The following SH3PXD2B variants were observed in gnomAD, a reference collection of about 807,000 sequenced individuals.
SH3PXD2B encodes SH3 and PX domain-containing protein 2B.
SH3PXD2B carries 37 observed loss-of-function variants against 73.1 expected under a neutral mutation model. The observed-to-expected ratio is 0.51, with a 90% CI of 0.39 to 0.67. SH3PXD2B has a LOEUF of 0.67. Ranked by LOEUF, SH3PXD2B falls within the 30% of genes least tolerant of loss-of-function variation. The pLI is 0.00. For missense variants in SH3PXD2B, 1,053 were observed against 1,197.8 expected (o/e 0.88, Z 1.78); for synonymous variants, 457 against 480.5 (o/e 0.95, Z 0.64).
At chr5:172,387,495 C>T (rs964717685) in intron 4 of SH3PXD2B, among the ~76,000 whole-genome samples, 1 of 152,192 alleles carries the variant, frequency 6.6e-6, no homozygotes, top group Non-Finnish European at 1.5e-5. Flanking sequence ...AGCCCAGTAC[C>T]GTACACCCTT....
Position 172,445,942 on chromosome 5 carries a change from C to T in SH3PXD2B, c.75+8336G>A, listed in dbSNP as rs1379923855. On this transcript the variant is annotated intron_variant, in intron 1 of 12. Coordinates refer to ENST00000311601, the MANE Select transcript of SH3PXD2B (RefSeq NM_001017995.3). This position sits in a 1 kb window ranked among gnomAD's most constrained non-coding sequence, Gnocchi z 5.2. Reference sequence around the variant, plus strand: ...TTGTGGCGGAGCTCAGGTCCGCAGGCTTCTGCAGAGGCAGAGTCCGGAGGA... The same window carrying T: ...TTGTGGCGGAGCTCAGGTCCGCAGGTTTCTGCAGAGGCAGAGTCCGGAGGA... 6.6e-6 allele frequency among the ~76,000 whole-genome samples: 1 copy of T among 152,252 alleles called. No individual in the cohort carries two copies. Among genetic ancestry groups the T allele is most frequent in the Non-Finnish European group, 1.5e-5 (1 of 68,034 alleles).
rs1561908520 is a variant in SH3PXD2B at position 172,368,652 on chromosome 5, A to AC, written c.427+5137_427+5138insG. On this transcript the variant is annotated intron_variant, in intron 6 of 12. Transcript: ENST00000311601. ...TATAATATATATGTTATATATATAAAATATATATATTATATATATATAAAA... is the reference window on the plus strand; with the variant it reads ...TATAATATATATGTTATATATATAAACATATATATATTATATATATATAAAA... Among the ~76,000 whole-genome samples the AC allele has an allele frequency of 7.7e-4, 9 of 11,656 alleles. 1 individual carries two copies. Among genetic ancestry groups the AC allele is most frequent in the African/African-American group, 5.7e-3 (9 of 1,592 alleles). The allele number at this position is 11,656 out of a possible 152,430, so 7.6% of individuals were successfully genotyped here.
intron 2 of SH3PXD2B, among the ~76,000 whole-genome samples, chr5:172,409,066 T>C (rs1000622370): frequency 5.3e-5 from 8 of 152,140 alleles, no homozygotes; most frequent in Admixed American, 6.5e-5. Context: ...TTGTTAACTA[T>C]AGTCATCCCA....
intron 3 of SH3PXD2B, among the ~76,000 whole-genome samples, chr5:172,397,700 CTT>C (rs904515369): frequency 6.6e-6 from 1 of 152,196 alleles, no homozygotes; most frequent in Non-Finnish European, 1.5e-5. Flanking sequence ...CCAACATGGT[CTT>C]TCTTTTTTCC....
At chr5:172,451,801 G>T (rs556892150) in intron 1 of SH3PXD2B, among the ~76,000 whole-genome samples, 36 of 152,286 alleles carry the variant, frequency 2.4e-4, no homozygotes, top group African/African-American at 8.4e-4. Flanking sequence ...GAACAGCAGC[G>T]GTCGCCCACC....
At chr5:172,450,758 C>T (rs1279733424) in intron 1 of SH3PXD2B, among the ~76,000 whole-genome samples, 1 of 152,062 alleles carries the variant, frequency 6.6e-6, no homozygotes, top group Non-Finnish European at 1.5e-5. Context: ...GCTCTTCTTC[C>T]TCCCCCCAAG....
chr5:172,399,257 C>T lies in SH3PXD2B; in HGVS notation c.233-4618G>A, dbSNP rs1561923019. On this transcript the variant is annotated intron_variant, in intron 3 of 12. Coordinates refer to ENST00000311601, the MANE Select transcript of SH3PXD2B (RefSeq NM_001017995.3). ...GGTCCCTCGATTAACCAAAGATCAG[C>T]CCATTCCTGAGGCCGTTACAGTGTT... Among the ~76,000 whole-genome samples the T allele has an allele frequency of 2.0e-5, 3 of 152,152 alleles. No homozygotes were observed. In the South Asian group the frequency reaches 6.2e-4, roughly 31 times the overall value.
rs1367341603 is a variant in SH3PXD2B at position 172,394,583 on chromosome 5, G to C, written c.289C>G (p.Pro97Ala). The change falls in exon 4 of 13, where the codon CCA (proline) becomes GCA (alanine). Residue 97 changes from proline to alanine, a missense_variant. Physicochemically the swap from Pro to Ala is conservative, Grantham distance 27 (BLOSUM62 -1). Around this residue, in one of 2 missense-constraint regions of SH3PXD2B, gnomAD observed 466 missense variants for 607.1 expected, o/e 0.77. Transcript: ENST00000311601. ...CTTACCTTACAGTATTCATCAATTG[G>C]TATCAGGCGTTTGACAGCCACGTCC... is the stretch of plus-strand genomic sequence containing the variant. ...IRDVAVKRLI[P>A]IDEYCKALIQ... The C allele has an allele frequency of 2.5e-6, 4 of 1,614,012 alleles. No individual in the cohort carries two copies. The Admixed American group carries it at 6.7e-5, about 27-fold the overall frequency.
chr5:172,355,694 G>A (rs892950724), intron 8 of SH3PXD2B, among the ~76,000 whole-genome samples: 35 of 152,008 alleles, frequency 2.3e-4, no homozygotes, highest in Admixed American at 1.4e-3. Flanking sequence ...ACAGGTGCCC[G>A]CCACCACGCC....
chr5:172,362,813 T>C lies in SH3PXD2B; in HGVS notation c.484A>G (p.Asn162Asp), dbSNP rs1757429606. ...TCCGAACTCTCCTGCTTCTGGTAGTTGGCTACCACCACATACTGCTCCAGG... is the reference window on the plus strand; with the variant it reads ...TCCGAACTCTCCTGCTTCTGGTAGTCGGCTACCACCACATACTGCTCCAGG... Reference protein sequence around the residue: ...MVLEQYVVVANYQKQESSEIS... With the variant: ...MVLEQYVVVADYQKQESSEIS... Residue 162 changes from asparagine (N) to aspartate (D), a missense_variant, in exon 7 of 13, where the codon AAC becomes GAC. By Grantham distance (23) the Asn-to-Asp change is conservative (BLOSUM62 1). This residue lies in a region of SH3PXD2B where 466 missense variants were observed against 607.1 expected (regional missense o/e 0.77). Coordinates refer to ENST00000311601, the MANE Select transcript of SH3PXD2B (RefSeq NM_001017995.3). 6.2e-7 allele frequency: 1 copy of C among 1,614,042 alleles called. No homozygotes were observed. Among genetic ancestry groups the C allele is most frequent in the Admixed American group, 1.7e-5 (1 of 60,010 alleles).
intron 3 of SH3PXD2B, among the ~76,000 whole-genome samples, chr5:172,401,983 TG>T (rs1183620794): frequency 5.9e-5 from 9 of 152,172 alleles, no homozygotes; most frequent in Admixed American, 4.6e-4. Context: ...ATAACAGCAA[TG>T]TTGAGGGAAC....
chr5:172,381,139 C>G (rs1561914393), intron 5 of SH3PXD2B, among the ~76,000 whole-genome samples: 1 of 152,270 alleles, frequency 6.6e-6, no homozygotes, highest in Non-Finnish European at 1.5e-5. Context: ...GCCCGCCACG[C>G]TGGCTGCTCA....
intron 12 of SH3PXD2B, among the ~76,000 whole-genome samples, chr5:172,344,386 G>A (rs543088110): frequency 8.7e-4 from 132 of 152,090 alleles, no homozygotes; most frequent in Non-Finnish European, 1.7e-3. Context: ...TCAGGAGTTC[G>A]AGACCAGCCT....
Position 172,337,263 on chromosome 5 carries a change from A to C in SH3PXD2B, c.*1106T>G. 2 of 985,788 alleles carry C rather than the reference A, an allele frequency of 2.0e-6. No individual in the cohort carries two copies. Among genetic ancestry groups the C allele is most frequent in the Non-Finnish European group, 2.4e-6 (2 of 830,218 alleles). 61.1% of individuals were successfully genotyped at this position (985,788 alleles called of 1,614,324 possible). ...CCCTCACCCCCCTCACAATGAAGCC[A>C]CTTGGCCACCACTTAGCCAGCTTCT... On this transcript the variant is annotated 3_prime_UTR_variant, in exon 13 of 13. Coordinates refer to ENST00000311601, the MANE Select transcript of SH3PXD2B (RefSeq NM_001017995.3).
chr5:172,365,685 C>T (rs377507856), intron 6 of SH3PXD2B, among the ~76,000 whole-genome samples: 4 of 152,350 alleles, frequency 2.6e-5, no homozygotes, highest in East Asian at 3.9e-4. Context: ...GAGTGGGCTG[C>T]TTCACGTCCC....
chr5:172,350,550 T>A lies in SH3PXD2B; in HGVS notation c.825A>T (p.Leu275=). The A allele has an allele frequency of 6.2e-7, 1 of 1,613,458 alleles. No individual in the cohort carries two copies. Among genetic ancestry groups the A allele is most frequent in the Admixed American group, 1.7e-5 (1 of 59,926 alleles). Residue 275 remains leucine (L), a synonymous_variant, in exon 10 of 13, where the codon CTA becomes CTT. Transcript: ENST00000311601. ...GCAAGGGCTCCCCACTGTTCTTCTTTAGGTAGGAGGCGGGGGCCCAGCCTT... is the reference window on the plus strand; with the variant it reads ...GCAAGGGCTCCCCACTGTTCTTCTTAAGGTAGGAGGCGGGGGCCCAGCCTT... ...GKEGWAPASY[L]KKNSGEPLPP...
chr5:172,362,403 A>G (rs1757421899), intron 7 of SH3PXD2B, among the ~76,000 whole-genome samples: 1 of 152,204 alleles, frequency 6.6e-6, no homozygotes, highest in African/African-American at 2.4e-5. Context: ...GGAGACTCCC[A>G]TGGGTAAGCA....
Position 172,401,841 on chromosome 5 carries a change from TAC to T in SH3PXD2B, c.232+4434_232+4435del, listed in dbSNP as rs534512165. ...TCTTCTGATTTCCTATGCCTGTCTT[TAC>T]TTTAATCTCTTAACCCCATCATCTT... On this transcript the variant is annotated intron_variant, in intron 3 of 12. Coordinates refer to ENST00000311601, the MANE Select transcript of SH3PXD2B (RefSeq NM_001017995.3). Among the ~76,000 whole-genome samples the T allele has an allele frequency of 9.2e-5, 14 of 152,372 alleles. No individual in the cohort carries two copies. In the South Asian group the frequency reaches 2.9e-3, roughly 32 times the overall value.
chr5:172,358,744 A>AGT, intron 8 of SH3PXD2B, 29 bp downstream of exon 8: 1 of 1,588,916 alleles, frequency 6.3e-7, no homozygotes, highest in Non-Finnish European at 8.6e-7. Context: ...GGTCCTCCCC[A>AGT]GTGAGCAGAG....
Sources: gnomAD v4.1 joint callset for allele counts (sites outside exome capture counted in the v4.1 genomes callset) on GRCh38, gnomAD v4.1.1 for gene constraint, gnomAD v4.1.1 regional missense constraint, Gnocchi (gnomAD v3.1) non-coding constraint, MANE v1.5 for transcripts, NCBI Gene and HGNC (gene_info 2026-07-23, HGNC 2026-07-21) for gene names.